The following ADGRB3 variants were observed in gnomAD, a reference collection of about 807,000 sequenced individuals.
ADGRB3 encodes the protein adhesion G protein-coupled receptor B3, also known as brain-specific angiogenesis inhibitor 3.
In ADGRB3, 37 loss-of-function variants were observed where a neutral mutation model predicts 193.4. The observed-to-expected ratio is 0.19, with a 90% CI of 0.15 to 0.25. The LOEUF (loss-of-function observed/expected upper bound fraction) is 0.25, where lower values mean the gene tolerates loss of function less well. ADGRB3 is among the 10% of genes least tolerant of loss of function. ADGRB3 has a pLI of 1.00. For missense variants in ADGRB3, 1,637 were observed against 1,852.9 expected (o/e 0.88, Z 2.14); for synonymous variants, 690 against 644.2 (o/e 1.07, Z -1.08).
chr6:68,938,862 G>A (rs1767558306), intron 5 of ADGRB3, among the ~76,000 whole-genome samples: 1 of 152,108 alleles, frequency 6.6e-6, no homozygotes, highest in Non-Finnish European at 1.5e-5. Flanking sequence ...GAATTATGCT[G>A]TACTTGAAAT....
At chr6:68,706,474 A>G (rs1458940928) in intron 3 of ADGRB3, among the ~76,000 whole-genome samples, 5 of 152,194 alleles carry the variant, frequency 3.3e-5, no homozygotes, top group Admixed American at 3.3e-4. Context: ...TATGGCACAT[A>G]TGTGCATCTG....
chr6:69,232,082 GT>G (rs1561960522), intron 17 of ADGRB3, among the ~76,000 whole-genome samples: 1 of 152,148 alleles, frequency 6.6e-6, no homozygotes, highest in Non-Finnish European at 1.5e-5. Flanking sequence ...CAAGCCATGT[GT>G]TTTTCTCTTA....
At chr6:68,722,333 G>C (rs1379051157) in intron 3 of ADGRB3, among the ~76,000 whole-genome samples, 1 of 151,692 alleles carries the variant, frequency 6.6e-6, no homozygotes, top group Non-Finnish European at 1.5e-5. Context: ...TGCGGGGCGG[G>C]GGTTGTGTAG....
chr6:68,774,428 T>G (rs1766699235), intron 3 of ADGRB3, among the ~76,000 whole-genome samples: 1 of 151,724 alleles, frequency 6.6e-6, no homozygotes, highest in Non-Finnish European at 1.5e-5. Context: ...TCACGGTATT[T>G]TCTAATAATG....
intron 17 of ADGRB3, among the ~76,000 whole-genome samples, chr6:69,092,759 A>G (rs1457647286): frequency 6.6e-6 from 1 of 152,184 alleles, no homozygotes; most frequent in Admixed American, 6.5e-5. Context: ...CTCACAAGAA[A>G]TGATACCTGA....
At chr6:68,741,256 T>G (rs573274645) in intron 3 of ADGRB3, among the ~76,000 whole-genome samples, 1 of 152,270 alleles carries the variant, frequency 6.6e-6, no homozygotes, top group East Asian at 1.9e-4. Flanking sequence ...TATCCACATC[T>G]TACAGATTAT....
At chr6:69,043,954 T>G (rs990106911) in intron 13 of ADGRB3, among the ~76,000 whole-genome samples, 2 of 152,036 alleles carry the variant, frequency 1.3e-5, no homozygotes, top group African/African-American at 4.8e-5. Context: ...GGGAGGAGAA[T>G]GGCGTGAACC....
At chr6:68,949,505 G>A (rs943096951) in intron 6 of ADGRB3, among the ~76,000 whole-genome samples, 14 of 152,214 alleles carry the variant, frequency 9.2e-5, no homozygotes, top group African/African-American at 3.4e-4. Context: ...CTAAAATTTT[G>A]GTCTACAGCA....
intron 20 of ADGRB3, among the ~76,000 whole-genome samples, chr6:69,293,197 A>AT (rs968882537): frequency 3.1e-4 from 47 of 151,654 alleles, no homozygotes; most frequent in Non-Finnish European, 5.3e-4. Context: ...AGTATTTTCG[A>AT]TTTTTTTTTC....
chr6:69,113,309 A>ATATT (rs564034422), intron 17 of ADGRB3, among the ~76,000 whole-genome samples: 7 of 148,530 alleles, frequency 4.7e-5, no homozygotes, highest in Admixed American at 2.0e-4. Context: ...TGTATCACAC[A>ATATT]TATATGTACC....
At chr6:69,028,967 A>T (rs1430473800) in intron 13 of ADGRB3, among the ~76,000 whole-genome samples, 4 of 152,068 alleles carry the variant, frequency 2.6e-5, no homozygotes, top group Non-Finnish European at 4.4e-5. Context: ...ACTCCTCACA[A>T]CCTTTCTGCC....
At chr6:69,099,687 A>T (rs867483567) in intron 17 of ADGRB3, among the ~76,000 whole-genome samples, 2 of 152,204 alleles carry the variant, frequency 1.3e-5, no homozygotes, top group South Asian at 2.1e-4. Context: ...ATTTGCGTTT[A>T]ACAAATGGGG....
intron 20 of ADGRB3, among the ~76,000 whole-genome samples, chr6:69,302,299 A>G (rs573883523): frequency 6.6e-6 from 1 of 152,092 alleles, no homozygotes; most frequent in South Asian, 2.1e-4. Flanking sequence ...AAAGCTGCTA[A>G]TTTCCTAACT....
chr6:69,018,597 T>C, intron 13 of ADGRB3, 98 bp downstream of exon 13: 1 of 739,312 alleles, frequency 1.4e-6, no homozygotes, highest in South Asian at 2.0e-5. Context: ...ATTATTCATA[T>C]GTTTAACTGC....
intron 23 of ADGRB3, 74 bp from the exon 24 acceptor site, chr6:69,332,849 A>G (rs932788223): frequency 7.6e-6 from 12 of 1,573,864 alleles, no homozygotes; most frequent in Non-Finnish European, 1.0e-5. Context: ...TGATAAAAAT[A>G]GGATTTTCAG....
At chr6:68,648,579 G>A (rs752735906) in intron 3 of ADGRB3, among the ~76,000 whole-genome samples, 4 of 149,810 alleles carry the variant, frequency 2.7e-5, no homozygotes, top group Non-Finnish European at 5.9e-5. Context: ...AGACGTTAAT[G>A]CTTAAAAATC....
intron 3 of ADGRB3, among the ~76,000 whole-genome samples, chr6:68,706,702 G>C (rs1765330840): frequency 6.6e-6 from 1 of 152,104 alleles, no homozygotes; most frequent in South Asian, 2.1e-4. Flanking sequence ...AATAAGTTTG[G>C]GACTTAATGA....
chr6:69,131,820 C>T (rs1774020259), intron 17 of ADGRB3, among the ~76,000 whole-genome samples: 1 of 151,528 alleles, frequency 6.6e-6, no homozygotes, highest in Non-Finnish European at 1.5e-5. Flanking sequence ...TGTTCCCCTC[C>T]CTGTGTCCAT....
intron 3 of ADGRB3, among the ~76,000 whole-genome samples, chr6:68,688,780 T>C (rs1765023581): frequency 6.6e-6 from 1 of 152,190 alleles, no homozygotes; most frequent in African/African-American, 2.4e-5. Context: ...AATGAACCTC[T>C]TGTTTCTGAA....
Sources: gnomAD v4.1 joint callset for allele counts (sites outside exome capture counted in the v4.1 genomes callset) on GRCh38, gnomAD v4.1.1 for gene constraint, MANE v1.5 for transcripts, NCBI Gene and HGNC (gene_info 2026-07-23, HGNC 2026-07-21) for gene names.